The following TRAPPC9 variants were observed in gnomAD, a reference collection of about 807,000 sequenced individuals.
TRAPPC9 encodes IKK2 binding protein.
TRAPPC9 carries 83 observed loss-of-function variants against 124.0 expected under a neutral mutation model. That is an observed-to-expected ratio of 0.67 (90% CI 0.56 to 0.80). The LOEUF (loss-of-function observed/expected upper bound fraction) is 0.80. TRAPPC9 is among the 30% of genes least tolerant of loss of function. The probability of loss-of-function intolerance (pLI) is 0.00; values close to 1 mark genes in which losing one functional copy is unlikely to be tolerated. For missense variants in TRAPPC9, 1,302 were observed against 1,508.3 expected (o/e 0.86, Z 2.27); for synonymous variants, 638 against 617.5 (o/e 1.03, Z -0.49).
chr8:139,874,564 G>A (rs1829198011), intron 21 of TRAPPC9, among the ~76,000 whole-genome samples: 1 of 152,262 alleles, frequency 6.6e-6, no homozygotes, highest in South Asian at 2.1e-4. Context: ...GAGTTAGAAG[G>A]AAAGGGCTGG....
At chr8:139,809,518 G>A (rs1824290416) in intron 21 of TRAPPC9, among the ~76,000 whole-genome samples, 1 of 152,208 alleles carries the variant, frequency 6.6e-6, no homozygotes, top group South Asian at 2.1e-4. Flanking sequence ...CAGGGGGCCT[G>A]GGCAATCGCC....
intron 17 of TRAPPC9, among the ~76,000 whole-genome samples, chr8:140,203,112 A>C (rs1158650454): frequency 6.6e-6 from 1 of 152,244 alleles, no homozygotes; most frequent in African/African-American, 2.4e-5. Context: ...TCTGGGGATC[A>C]AATGGGAGAA....
intron 19 of TRAPPC9, among the ~76,000 whole-genome samples, chr8:139,934,164 C>T (rs918161700): frequency 1.3e-5 from 2 of 151,918 alleles, no homozygotes; most frequent in South Asian, 2.1e-4. Context: ...CTTTGTGTGC[C>T]GACACTAACA....
In TRAPPC9 at chr8:140,176,500, G is replaced by A. The variant is rs181182149; in HGVS notation, c.2556+44959C>T. Among the ~76,000 whole-genome samples, 16 of 152,292 alleles carry A rather than the reference G, an allele frequency of 1.1e-4. No homozygotes were observed. In the South Asian group the frequency reaches 2.1e-3, roughly 20 times the overall value. ...TGTGTGTTGGGCATACCGGTAGCTC[G>A]TTTCTCTCCACTGCCACGTGGTATT... is the stretch of plus-strand genomic sequence containing the variant. On this transcript the variant is annotated intron_variant, in intron 17 of 22. Transcript: ENST00000438773.
rs1821411714 is a variant in TRAPPC9 at position 139,776,681 on chromosome 8, C to T, written c.3056-44479G>A. Among the ~76,000 whole-genome samples, 1 of 151,974 alleles carries T rather than the reference C, an allele frequency of 6.6e-6. No homozygotes were observed. The highest frequency in any genetic ancestry group is 1.5e-5 in the Non-Finnish European group (1 of 67,986). ...GTGTGTCTGTGTGTGTGTGCGCACA[C>T]ACACACAGAAAGGCACATGTGTGCT... is the stretch of plus-strand genomic sequence containing the variant. On this transcript the variant is annotated intron_variant, in intron 21 of 22. Transcript: ENST00000438773. This position sits in a 1 kb window ranked among gnomAD's most constrained non-coding sequence, Gnocchi z 4.1.
intron 17 of TRAPPC9, among the ~76,000 whole-genome samples, chr8:140,167,240 A>G (rs1457252108): frequency 6.6e-6 from 1 of 152,208 alleles, no homozygotes; most frequent in East Asian, 1.9e-4. Context: ...GAATAAAGAA[A>G]GAGCTAAGGC....
Position 140,252,841 on chromosome 8 carries a change from T to A in TRAPPC9, c.2367A>T (p.Thr789=). The A allele has an allele frequency of 6.2e-7, 1 of 1,614,174 alleles. No individual in the cohort carries two copies. Among genetic ancestry groups the A allele is most frequent in the Non-Finnish European group, 8.5e-7 (1 of 1,180,034 alleles). ...PLQPGKVATF[T]INIKVKLDFS... ...AATCCAGCTTCACTTTGATGTTGAT[T>A]GTGAACGTGGCCACCTTCCCAGGCT... is the stretch of plus-strand genomic sequence containing the variant. Residue 789 remains threonine (T), a synonymous_variant, in exon 16 of 23, where the codon ACA becomes ACT. Transcript: ENST00000438773. This position sits in a 1 kb window ranked among gnomAD's most constrained non-coding sequence, Gnocchi z 4.2.
chr8:140,371,206 G>A (rs373145235), intron 7 of TRAPPC9, 26 bp from the exon 8 acceptor site: 8 of 1,578,728 alleles, frequency 5.1e-6, no homozygotes, highest in Non-Finnish European at 1.7e-6. Flanking sequence ...AAAGTAAAAA[G>A]CTTTTGAAAG....
chr8:140,335,420 C>G (rs574527226), intron 9 of TRAPPC9, among the ~76,000 whole-genome samples: 1 of 152,236 alleles, frequency 6.6e-6, no homozygotes, highest in South Asian at 2.1e-4. Context: ...ATAAGTATGA[C>G]AACTTGGGGA....
At chr8:140,382,224 A>G (rs988202376) in intron 7 of TRAPPC9, among the ~76,000 whole-genome samples, 3 of 152,220 alleles carry the variant, frequency 2.0e-5, no homozygotes, top group Admixed American at 1.3e-4. Flanking sequence ...GACACAGAAG[A>G]TGAGTGATTT....
chr8:139,797,236 CAT>C (rs200785252), intron 21 of TRAPPC9, among the ~76,000 whole-genome samples: 2,663 of 152,106 alleles, frequency 0.018, 33 homozygotes, highest in Non-Finnish European at 0.026. Flanking sequence ...TAGAAACACA[CAT>C]GTTTTTAATT....
rs1312189646 is a variant in TRAPPC9, at chr8:140,029,261, T to C, written c.2557-5182A>G. 2.0e-5 allele frequency among the ~76,000 whole-genome samples: 3 copies of C among 152,310 alleles called. No homozygotes were observed. The East Asian group carries it at 5.8e-4, about 29-fold the overall frequency. On this transcript the variant is annotated intron_variant, in intron 17 of 22. Transcript: ENST00000438773. Reference sequence around the variant, plus strand: ...GGCTCATGCCTGTAGTCCCAGCAGTTTGGGAGGCTGCGCAGAGGCAGATCA... The same window carrying C: ...GGCTCATGCCTGTAGTCCCAGCAGTCTGGGAGGCTGCGCAGAGGCAGATCA...
intron 19 of TRAPPC9, among the ~76,000 whole-genome samples, chr8:139,916,771 G>T (rs958977393): frequency 6.6e-6 from 1 of 152,222 alleles, no homozygotes; most frequent in African/African-American, 2.4e-5. Flanking sequence ...TTTGAACAGC[G>T]GATAGCCTCA....
At chr8:140,323,225 G>C (rs2066645236) in intron 9 of TRAPPC9, among the ~76,000 whole-genome samples, 4 of 152,212 alleles carry the variant, frequency 2.6e-5, no homozygotes, top group Admixed American at 1.3e-4. Context: ...CACCTGGAGA[G>C]GCATGACAGC....
At chr8:139,991,825 A>G (rs1482309273) in intron 18 of TRAPPC9, among the ~76,000 whole-genome samples, 1 of 152,150 alleles carries the variant, frequency 6.6e-6, no homozygotes, top group African/African-American at 2.4e-5. Flanking sequence ...CTTTTTCAGC[A>G]AAGAGAGCAG....
chr8:140,246,976 C>T (rs2064003479), intron 16 of TRAPPC9, among the ~76,000 whole-genome samples: 1 of 150,932 alleles, frequency 6.6e-6, no homozygotes, highest in East Asian at 1.9e-4. Context: ...TAGAGCCAGA[C>T]TTTGTCTCAA....
intron 21 of TRAPPC9, among the ~76,000 whole-genome samples, chr8:139,873,690 A>C (rs1163261911): frequency 6.6e-6 from 1 of 152,206 alleles, no homozygotes; most frequent in Non-Finnish European, 1.5e-5. Flanking sequence ...TCCTGCAGTG[A>C]GAGTTACTTC....
At chr8:139,775,363 C>T (rs1486121223) in intron 21 of TRAPPC9, among the ~76,000 whole-genome samples, 2 of 152,132 alleles carry the variant, frequency 1.3e-5, no homozygotes, top group Admixed American at 1.3e-4. Context: ...TTATTCATTC[C>T]CTTTGTGTCT....
rs142107039 is a variant in TRAPPC9 at position 139,808,376 on chromosome 8, G to A, written c.3056-76174C>T. On this transcript the variant is annotated intron_variant, in intron 21 of 22. Transcript: ENST00000438773. Reference sequence around the variant, plus strand: ...CTCAAGGGGCTGAGGCAGGAGAATCGCTTGAATCCAGGAGGTGAAGGTTGC... The same window carrying A: ...CTCAAGGGGCTGAGGCAGGAGAATCACTTGAATCCAGGAGGTGAAGGTTGC... Among the ~76,000 whole-genome samples the A allele has an allele frequency of 2.6e-3, 400 of 152,280 alleles. 2 individuals are homozygous for A. Among genetic ancestry groups the A allele is most frequent in the African/African-American group, 9.3e-3 (387 of 41,550 alleles).
Sources: allele counts gnomAD v4.1 joint callset (sites outside exome capture counted in the v4.1 genomes callset), GRCh38; gene constraint gnomAD v4.1.1; non-coding constraint Gnocchi (gnomAD v3.1); transcripts MANE v1.5; gene names NCBI Gene and HGNC (gene_info 2026-07-23, HGNC 2026-07-21).